Variants in PEAK3 observed in about 807,000 individuals in gnomAD.
PEAK3 encodes the protein protein PEAK3.
In PEAK3, 15 loss-of-function variants were observed where a neutral mutation model predicts 13.3. That is an observed-to-expected ratio of 1.13 (90% CI 0.75 to 1.73). The LOEUF (loss-of-function observed/expected upper bound fraction) is 1.73. Among genes scored for constraint, PEAK3 ranks in the 40% most tolerant of loss-of-function variants. The pLI is 0.00. For missense variants in PEAK3, 739 were observed against 690.2 expected, an observed-to-expected ratio of 1.07 and a Z score of -0.79; for synonymous variants, 347 against 341.9, an observed-to-expected ratio of 1.01 and a Z score of -0.17.
chr19:2,281,064 A>T, intron 1 of PEAK3, 129 bp from the exon 2 acceptor site: 1 of 584,976 alleles, frequency 1.7e-6, no homozygotes, highest in Non-Finnish European at 3.0e-6. Flanking sequence ...CCTTGGTGAG[A>T]ACAGGCGCAC....
rs757406772 is a variant in PEAK3, at chr19:2,278,620, G to A, written c.576C>T (p.Arg192=). 1.4e-5 allele frequency: 21 copies of A among 1,495,464 alleles called. No individual in the cohort carries two copies. Among genetic ancestry groups the A allele is most frequent in the Admixed American group, 7.0e-5 (3 of 43,030 alleles). The allele number at this position is 1,495,464 out of a possible 1,614,324, so 92.6% of individuals were successfully genotyped here. ...SGDALYYRVV[R]AHEDAWHILV... is the part of the protein sequence containing the mutation. Reference sequence around the variant, plus strand: ...GGATGTGCCAGGCGTCCTCGTGCGCGCGCACCACGCGGTAATACAGGGCGT... The same window carrying A: ...GGATGTGCCAGGCGTCCTCGTGCGCACGCACCACGCGGTAATACAGGGCGT... The change falls in exon 3 of 4, where the codon CGC becomes CGT. Residue 192 remains arginine (R), a synonymous_variant. Transcript: ENST00000342063.
In PEAK3 at chr19:2,276,064, G is replaced by T. The variant is rs1297929282; in HGVS notation, c.1038C>A (p.Gly346=). 1 of 1,458,010 alleles carries T rather than the reference G, an allele frequency of 6.9e-7. No homozygotes were observed. Among genetic ancestry groups the T allele is most frequent in the Non-Finnish European group, 9.0e-7 (1 of 1,105,258 alleles). 90.3% of individuals were successfully genotyped at this position (1,458,010 alleles called of 1,614,324 possible). A position where few individuals can be genotyped will look rare whatever the true frequency, so the allele number is the denominator to read the frequency against. The change falls in exon 4 of 4, where the codon GGC becomes GGA. Residue 346 remains glycine, a synonymous_variant. Transcript: ENST00000342063. The part of the protein sequence containing the change: ...LQPPGPPGSP[G]PHAPQLGSLL... ...GGCTGCCCAGCTGCGGCGCGTGGGG[G>T]CCCGGGGATCCCGGGGGTCCAGGGG... is the stretch of plus-strand genomic sequence containing the variant.
In PEAK3 at chr19:2,275,772, C is replaced by G. The variant is rs1045151514; in HGVS notation, c.1330G>C (p.Ala444Pro). ...CACAGCCAGTCCTCGAGGCTGGGAG[C>G]TTCCCCACCTGCGGCCCGCTCTGCT... ...RLAERAAGGEAPSLEDWLCCE... is the reference protein window; with the variant it reads ...RLAERAAGGEPPSLEDWLCCE... The change falls in exon 4 of 4, where the codon GCT becomes CCT. Residue 444 changes from alanine (A) to proline (P), a missense_variant. By Grantham distance (27) the Ala-to-Pro change is conservative. Coordinates refer to ENST00000342063, the MANE Select transcript of PEAK3 (RefSeq NM_198532.3). The G allele has an allele frequency of 1.9e-6, 3 of 1,581,818 alleles. No homozygotes were observed. Among genetic ancestry groups the G allele is most frequent in the Admixed American group, 1.8e-5 (1 of 57,122 alleles).
chr19:2,275,826 C>T lies in PEAK3; in HGVS notation c.1276G>A (p.Val426Met). The change falls in exon 4 of 4, where the codon GTG (valine) becomes ATG (methionine). Residue 426 changes from valine (V) to methionine (M), a missense_variant. Coordinates refer to ENST00000342063, the MANE Select transcript of PEAK3 (RefSeq NM_198532.3). The stretch of plus-strand genomic sequence containing the variant: ...CGCAGGACCAGCAGCCCGCGGCGCA[C>T]CCGCAGCCAGGGCCCGAGCGCTCGG... Reference protein sequence around the residue: ...WLRALGPWLRVRRGLLVLRLA... With the variant: ...WLRALGPWLRMRRGLLVLRLA... The T allele has an allele frequency of 6.6e-7, 1 of 1,516,708 alleles. No individual in the cohort carries two copies. The highest frequency in any genetic ancestry group is 8.8e-7 in the Non-Finnish European group (1 of 1,138,498). The allele number at this position is 1,516,708 out of a possible 1,614,324, so 94.0% of individuals were successfully genotyped here. A position where few individuals can be genotyped will look rare whatever the true frequency, so the allele number is the denominator to read the frequency against.
rs147999963 is a variant in PEAK3 at position 2,280,920 on chromosome 19, C to T, written c.12G>A (p.Pro4=). MSS[P]EPPTEPPEPD... ...GCTCGGGGGGCTCTGTGGGGGGCTC[C>T]GGGCTGCTCATGTTGCTGGGGAAAG... The change falls in exon 2 of 4, where the codon CCG becomes CCA. Residue 4 remains proline (P), a synonymous_variant. Transcript: ENST00000342063. 24 of 1,566,744 alleles carry T rather than the reference C, an allele frequency of 1.5e-5. 1 individual carries two copies. The highest frequency in any genetic ancestry group is 1.2e-4 in the South Asian group (10 of 85,564).
chr19:2,275,686 C>T lies in PEAK3; in HGVS notation c.1416G>A (p.Trp472Ter). 3 of 1,487,896 alleles carry T rather than the reference C, an allele frequency of 2.0e-6. No homozygotes were observed. The highest frequency in any genetic ancestry group is 2.7e-6 in the Non-Finnish European group (3 of 1,114,676). 92.2% of individuals were successfully genotyped at this position (1,487,896 alleles called of 1,614,324 possible). A position where few individuals can be genotyped will look rare whatever the true frequency, so the allele number is the denominator to read the frequency against. ...TGTTCGCCCTGGGTTGGGGTCAGTC[C>T]CACAGCAGCGCCAGGGCCTGGCCCA... ...SSMGQALALL[W>*]D Residue 472 changes from tryptophan to a stop codon, truncating the protein, a stop_gained, in exon 4 of 4, where the codon TGG becomes TGA. Transcript: ENST00000342063. LOFTEE classifies it high-confidence loss of function.
At chr19:2,279,592 C>G (rs2025422838) in intron 2 of PEAK3, among the ~76,000 whole-genome samples, 1 of 150,470 alleles carries the variant, frequency 6.6e-6, no homozygotes, top group African/African-American at 2.4e-5. Flanking sequence ...AGAAGTGGAG[C>G]TTGCAGTGAA....
Position 2,281,035 on chromosome 19 carries a change from A to G in PEAK3, c.-4-100T>C, listed in dbSNP as rs187574934. 15 of 703,584 alleles carry G rather than the reference A, an allele frequency of 2.1e-5. No individual in the cohort carries two copies. The Admixed American group carries it at 4.9e-4, about 23-fold the overall frequency. The allele number at this position is 703,584 out of a possible 1,614,324, so 43.6% of individuals were successfully genotyped here. ...AGTGCTGGGGCCTGGGAGACCGTCG[A>G]GGCCTCCTGCTCCAGGGCCCTTGGT... On this transcript the variant is annotated intron_variant, in intron 1 of 3. Transcript: ENST00000342063.
chr19:2,278,317 A>G (rs2025408942), intron 3 of PEAK3, among the ~76,000 whole-genome samples: 2 of 146,210 alleles, frequency 1.4e-5, no homozygotes, highest in Admixed American at 6.9e-5. Context: ...GGCGCCCGCC[A>G]CCACACCTAA....
Position 2,278,845 on chromosome 19 carries a change from A to T in PEAK3, c.351T>A (p.Ala117=), listed in dbSNP as rs2025416154. ...GGAGGGAGAGGCCCAGTGGGGCGTCAGCCGGGCCAAAGGTCAGCTCTGCAG... is the reference window on the plus strand; with the variant it reads ...GGAGGGAGAGGCCCAGTGGGGCGTCTGCCGGGCCAAAGGTCAGCTCTGCAG... The part of the protein sequence containing the change: ...CLPAELTFGP[A]DAPLGLSLRD... Residue 117 remains alanine (A), a synonymous_variant, in exon 3 of 4, where the codon GCT becomes GCA. Coordinates refer to ENST00000342063, the MANE Select transcript of PEAK3 (RefSeq NM_198532.3). The T allele has an allele frequency of 6.3e-7, 1 of 1,597,306 alleles. No homozygotes were observed. The highest frequency in any genetic ancestry group is 1.7e-5 in the Admixed American group (1 of 57,404).
intron 1 of PEAK3, 53 bp from the exon 2 acceptor site, chr19:2,280,988 G>T: frequency 8.2e-7 from 1 of 1,219,248 alleles, no homozygotes. Flanking sequence ...CACGCACAGG[G>T]CGACATGGGG....
rs1568407203 is a variant in PEAK3 at position 2,275,604 on chromosome 19, CA to C, written c.*75del. 7.9e-6 allele frequency: 10 copies of C among 1,263,774 alleles called. No homozygotes were observed. The highest frequency in any genetic ancestry group is 1.0e-5 in the Non-Finnish European group (10 of 978,028). The allele number at this position is 1,263,774 out of a possible 1,614,324, so 78.3% of individuals were successfully genotyped here. On this transcript the variant is annotated 3_prime_UTR_variant, in exon 4 of 4. Coordinates refer to ENST00000342063, the MANE Select transcript of PEAK3 (RefSeq NM_198532.3). The stretch of plus-strand genomic sequence containing the variant: ...TGCAGGAAGAGGGTGTCTTGGCTAT[CA>C]TGGAGACGCTGACCTCAGCCCCAGC...
rs1007446767 is a variant in PEAK3 at position 2,276,142 on chromosome 19, C to G, written c.960G>C (p.Thr320=). ...LLLVAPRGCA[T]TGPPRLLLTD... is the part of the protein sequence containing the mutation. ...TGAGGAGCAGGCGTGGGGGCCCCGT[C>G]GTCGCACAGCCCCGAGGTGCCACCA... The change falls in exon 4 of 4, where the codon ACG becomes ACC. Residue 320 remains threonine, a synonymous_variant. Transcript: ENST00000342063. 2 of 1,542,284 alleles carry G rather than the reference C, an allele frequency of 1.3e-6. No homozygotes were observed. The highest frequency in any genetic ancestry group is 8.7e-7 in the Non-Finnish European group (1 of 1,144,882).
rs780023470 is a variant in PEAK3, at chr19:2,276,415, A to T, written c.687T>A (p.Asn229Lys). 10 of 1,597,010 alleles carry T rather than the reference A, an allele frequency of 6.3e-6. No individual in the cohort carries two copies. Among genetic ancestry groups the T allele is most frequent in the Middle Eastern group, 1.7e-4 (1 of 6,008 alleles). Reference sequence around the variant, plus strand: ...GCACCAGGCCACACAGCCCCTGCAGATTGAAGTGTGGAGACAGGGAGGCCT... The same window carrying T: ...GCACCAGGCCACACAGCCCCTGCAGTTTGAAGTGTGGAGACAGGGAGGCCT... Reference protein sequence around the residue: ...ELQASLSPHFNLQGLCGLVPE... With the variant: ...ELQASLSPHFKLQGLCGLVPE... Residue 229 changes from asparagine to lysine, a missense_variant, in exon 4 of 4, where the codon AAT becomes AAA. Physicochemically the swap from Asn to Lys is moderately conservative, Grantham distance 94 (BLOSUM62 0). Transcript: ENST00000342063.
chr19:2,277,423 T>C (rs2025400417), intron 3 of PEAK3, among the ~76,000 whole-genome samples: 1 of 152,104 alleles, frequency 6.6e-6, no homozygotes, highest in Non-Finnish European at 1.5e-5. Context: ...CCGCCTCGCC[T>C]TCCACTATGA....
Position 2,276,319 on chromosome 19 carries a change from C to G in PEAK3, c.783G>C (p.Thr261=), listed in dbSNP as rs772030560. Residue 261 remains threonine (T), a synonymous_variant, in exon 4 of 4, where the codon ACG becomes ACC. Transcript: ENST00000342063. Reference sequence around the variant, plus strand: ...AGGCCTCCGCCAGCCACTGCGCCACCGTGCGCTCTGGAACCTCGGCTGCCA... The same window carrying G: ...AGGCCTCCGCCAGCCACTGCGCCACGGTGCGCTCTGGAACCTCGGCTGCCA... ...VALAAEVPER[T]VAQWLAEACT... 3 of 1,598,332 alleles carry G rather than the reference C, an allele frequency of 1.9e-6. No individual in the cohort carries two copies. Among genetic ancestry groups the G allele is most frequent in the Admixed American group, 3.3e-5 (2 of 59,828 alleles).
chr19:2,279,376 GC>G (rs996025434), intron 2 of PEAK3, among the ~76,000 whole-genome samples: 7 of 152,138 alleles, frequency 4.6e-5, no homozygotes, highest in African/African-American at 1.2e-4. Context: ...GCCGGACGCG[GC>G]CATGCACAAT....
rs575027514 is a variant in PEAK3, at chr19:2,274,778, C to T, written c.*902G>A. ...ACGAGGTCAGGAGATGGAGACCATC[C>T]TGGCTAACACGGAGAAACCCCGTCT... On this transcript the variant is annotated 3_prime_UTR_variant, in exon 4 of 4. Coordinates refer to ENST00000342063, the MANE Select transcript of PEAK3 (RefSeq NM_198532.3). 2 of 150,954 alleles carry T rather than the reference C, an allele frequency of 1.3e-5. No individual in the cohort carries two copies. Among genetic ancestry groups the T allele is most frequent in the East Asian group, 2.0e-4 (1 of 4,940 alleles). The allele number at this position is 150,954 out of a possible 1,614,324, so 9.4% of individuals were successfully genotyped here. A position where few individuals can be genotyped will look rare whatever the true frequency, so the allele number is the denominator to read the frequency against.
In PEAK3 at chr19:2,275,829, G is replaced by A. The variant is rs767694761; in HGVS notation, c.1273C>T (p.Arg425Trp). ...PWLRALGPWL[R>W]VRRGLLVLRL... is the part of the protein sequence containing the mutation. The stretch of plus-strand genomic sequence containing the variant: ...AGGACCAGCAGCCCGCGGCGCACCC[G>A]CAGCCAGGGCCCGAGCGCTCGGAGC... Residue 425 changes from arginine to tryptophan, a missense_variant, in exon 4 of 4, where the codon CGG becomes TGG. Arg to Trp is a moderately radical substitution (Grantham distance 101, BLOSUM62 -3). Transcript: ENST00000342063. The A allele has an allele frequency of 4.0e-6, 6 of 1,512,358 alleles. No individual in the cohort carries two copies. The highest frequency in any genetic ancestry group is 5.3e-6 in the Non-Finnish European group (6 of 1,136,486). The allele number at this position is 1,512,358 out of a possible 1,614,324, so 93.7% of individuals were successfully genotyped here.
Sources: allele counts gnomAD v4.1 joint callset (sites outside exome capture counted in the v4.1 genomes callset), GRCh38; gene constraint gnomAD v4.1.1; transcripts MANE v1.5; gene names NCBI Gene and HGNC (gene_info 2026-07-23, HGNC 2026-07-21).